Variants in DOCK2 observed in about 807,000 individuals in gnomAD.
DOCK2 encodes dedicator of cytokinesis protein 2.
DOCK2 carries 87 observed loss-of-function variants against 248.9 expected under a neutral mutation model. The observed-to-expected ratio is 0.35, with a 90% CI of 0.29 to 0.42. DOCK2 has a LOEUF of 0.42. DOCK2 is among the 10% of genes least tolerant of loss of function. The pLI is 1.00. For synonymous variants in DOCK2, 805 were observed against 821.6 expected, an observed-to-expected ratio of 0.98 and a Z score of 0.35; for missense variants, 1,747 against 2,300.2, an observed-to-expected ratio of 0.76 and a Z score of 4.92.
chr5:169,814,302 T>C (rs929310603), intron 26 of DOCK2, among the ~76,000 whole-genome samples: 3 of 152,136 alleles, frequency 2.0e-5, no homozygotes, highest in Non-Finnish European at 4.4e-5. Flanking sequence ...TTACCAAAAA[T>C]GTACAGCCTC....
intron 23 of DOCK2, among the ~76,000 whole-genome samples, chr5:169,757,141 A>G (rs1236235193): frequency 6.6e-6 from 1 of 152,108 alleles, no homozygotes; most frequent in Non-Finnish European, 1.5e-5. Flanking sequence ...AGAGAATGGA[A>G]TCCACACACC....
chr5:169,657,300 A>C (rs943802606), intron 2 of DOCK2, among the ~76,000 whole-genome samples: 1 of 152,200 alleles, frequency 6.6e-6, no homozygotes, highest in Non-Finnish European at 1.5e-5. Context: ...GATTGAAAAA[A>C]AAAGATTCCT....
intron 33 of DOCK2, among the ~76,000 whole-genome samples, chr5:170,025,092 CATT>C (rs1323377684): frequency 1.3e-5 from 2 of 152,242 alleles, no homozygotes; most frequent in Non-Finnish European, 2.9e-5. Flanking sequence ...ATAACAATAA[CATT>C]AGTGGTGATG....
At chr5:169,652,606 G>A (rs1561907775) in intron 1 of DOCK2, among the ~76,000 whole-genome samples, 2 of 152,232 alleles carry the variant, frequency 1.3e-5, no homozygotes, top group South Asian at 2.1e-4. Flanking sequence ...GTGAGGCAGA[G>A]AGGTGAAGTC....
intron 30 of DOCK2, among the ~76,000 whole-genome samples, chr5:170,003,928 A>T (rs567479591): frequency 2.4e-4 from 36 of 152,288 alleles, no homozygotes; most frequent in African/African-American, 7.7e-4. Context: ...CATGGCCAAA[A>T]CTGGGCAGGG....
chr5:169,714,962 T>C (rs1219437330), intron 19 of DOCK2, among the ~76,000 whole-genome samples: 1 of 152,174 alleles, frequency 6.6e-6, no homozygotes, highest in African/African-American at 2.4e-5. Context: ...CATATATATG[T>C]GTGCATATGT....
At chr5:169,711,190 T>C (rs1761564311) in intron 15 of DOCK2, among the ~76,000 whole-genome samples, 1 of 152,214 alleles carries the variant, frequency 6.6e-6, no homozygotes, top group Non-Finnish European at 1.5e-5. Context: ...ACAGTACAAA[T>C]GTATTCCTTT....
At chr5:170,068,517 A>T (rs1757573328) in intron 45 of DOCK2, among the ~76,000 whole-genome samples, 1 of 152,202 alleles carries the variant, frequency 6.6e-6, no homozygotes, top group Non-Finnish European at 1.5e-5. Context: ...TCACCTAATC[A>T]ATCCTTCCAA....
At chr5:170,003,087 T>C (rs1754896355) in intron 30 of DOCK2, among the ~76,000 whole-genome samples, 1 of 152,210 alleles carries the variant, frequency 6.6e-6, no homozygotes, top group African/African-American at 2.4e-5. Context: ...CTTGTGGAGC[T>C]TACAATTGGA....
chr5:170,023,793 G>A (rs989455765), intron 33 of DOCK2, among the ~76,000 whole-genome samples: 1 of 152,128 alleles, frequency 6.6e-6, no homozygotes, highest in Non-Finnish European at 1.5e-5. Flanking sequence ...TCATCTTCCT[G>A]ACATCCAGGC....
At chr5:169,987,997 A>G (rs533645978) in intron 29 of DOCK2, among the ~76,000 whole-genome samples, 1 of 152,184 alleles carries the variant, frequency 6.6e-6, no homozygotes, top group East Asian at 1.9e-4. Context: ...CTTTGTGTGT[A>G]CGAGGATAGA....
At chr5:169,881,564 G>T in intron 27 of DOCK2, 4 of 709,196 alleles carry the variant, frequency 5.6e-6, no homozygotes, top group Middle Eastern at 3.7e-4. Context: ...AAGTTGCACG[G>T]CCATTACAAA....
chr5:169,821,736 T>A lies in DOCK2; in HGVS notation c.2703+18530T>A, dbSNP rs568247233. Reference sequence around the variant, plus strand: ...ACTAATGAGCAAAAACCAGCTAACATCATAATGACAGGATTAAATTCACAC... The same window carrying A: ...ACTAATGAGCAAAAACCAGCTAACAACATAATGACAGGATTAAATTCACAC... On this transcript the variant is annotated intron_variant, in intron 26 of 51. Transcript: ENST00000520908. Among the ~76,000 whole-genome samples, 17 of 152,270 alleles carry A rather than the reference T, an allele frequency of 1.1e-4. No individual in the cohort carries two copies. In the South Asian group the frequency reaches 3.5e-3, roughly 32 times the overall value.
intron 34 of DOCK2, among the ~76,000 whole-genome samples, 155 bp downstream of exon 34, chr5:170,028,103 C>T (rs1755986823): frequency 6.6e-6 from 1 of 152,132 alleles, no homozygotes; most frequent in African/African-American, 2.4e-5. Context: ...TGGAAGAAAC[C>T]TCACATTTCT....
chr5:169,717,732 G>A (rs113764207), intron 21 of DOCK2, among the ~76,000 whole-genome samples: 11 of 152,252 alleles, frequency 7.2e-5, no homozygotes, highest in Admixed American at 3.9e-4. Context: ...TTCAGCTAGC[G>A]TGCTCTCATT....
intron 22 of DOCK2, among the ~76,000 whole-genome samples, chr5:169,720,365 A>C (rs1762131316): frequency 1.3e-5 from 2 of 152,184 alleles, no homozygotes; most frequent in South Asian, 4.1e-4. Context: ...TGTCTTTTCT[A>C]CTTCTCAGAC....
intron 27 of DOCK2, among the ~76,000 whole-genome samples, chr5:169,948,250 G>A (rs1283198278): frequency 6.6e-6 from 1 of 152,132 alleles, no homozygotes; most frequent in Non-Finnish European, 1.5e-5. Flanking sequence ...TGAAGGCCCT[G>A]CTCTCACAGA....
chr5:169,709,525 ACT>A (rs1219336524), intron 15 of DOCK2, among the ~76,000 whole-genome samples: 2 of 152,232 alleles, frequency 1.3e-5, no homozygotes, highest in South Asian at 4.2e-4. Flanking sequence ...ACATGGTGAA[ACT>A]CTGTCTCTAC....
chr5:170,018,227 C>A (rs1490683783), intron 32 of DOCK2, among the ~76,000 whole-genome samples: 1 of 152,166 alleles, frequency 6.6e-6, no homozygotes, highest in Non-Finnish European at 1.5e-5. Flanking sequence ...TAAGATAGCA[C>A]CCATCTGGGG....
Sources: allele counts gnomAD v4.1 joint callset (sites outside exome capture counted in the v4.1 genomes callset), GRCh38; gene constraint gnomAD v4.1.1; transcripts MANE v1.5; gene names NCBI Gene and HGNC (gene_info 2026-07-23, HGNC 2026-07-21).